Variants in MIGA1 observed in about 807,000 individuals in gnomAD.
The protein encoded by MIGA1 is family with sequence similarity 73, member A.
In MIGA1, 58 loss-of-function variants were observed where a neutral mutation model predicts 82.0. The ratio of observed to expected loss-of-function variants is 0.71; its 90% confidence interval spans 0.57 to 0.88. The LOEUF is 0.88. Ranked by LOEUF, MIGA1 falls within the 40% of genes least tolerant of loss-of-function variation. MIGA1 has a pLI of 0.00. For synonymous variants in MIGA1, 249 were observed against 253.6 expected (o/e 0.98, Z 0.17); for missense variants, 751 against 749.1 (o/e 1.00, Z -0.03).
intron 5 of MIGA1, chr1:77,811,421 A>G: frequency 2.5e-6 from 4 of 1,579,234 alleles, no homozygotes; most frequent in Non-Finnish European, 2.6e-6. Flanking sequence ...CCAGGTGCCA[A>G]AATTCTTCTT....
At chr1:77,864,385 A>C (rs1364328847) in intron 13 of MIGA1, among the ~76,000 whole-genome samples, 8 of 150,940 alleles carry the variant, frequency 5.3e-5, no homozygotes, top group Non-Finnish European at 2.9e-5. Context: ...AACAAACAAA[A>C]AAGTGGTTGG....
chr1:77,797,199 G>A (rs180887171), intron 2 of MIGA1, among the ~76,000 whole-genome samples: 2 of 152,216 alleles, frequency 1.3e-5, no homozygotes, highest in Admixed American at 1.3e-4. Context: ...CCTGTTGAAG[G>A]GCATCCAGGT....
At chr1:77,841,796 C>CT (rs201967274) in intron 7 of MIGA1, among the ~76,000 whole-genome samples, 1 of 150,056 alleles carries the variant, frequency 6.7e-6, no homozygotes, top group African/African-American at 2.5e-5. Flanking sequence ...TCTTCCTTTT[C>CT]TTTTTTCTTT....
Position 77,812,990 on chromosome 1 carries a change from C to CT in MIGA1, c.638-736dup, listed in dbSNP as rs541253080. On this transcript the variant is annotated intron_variant, in intron 5 of 15. Coordinates refer to ENST00000370791, the MANE Select transcript of MIGA1 (RefSeq NM_198549.4). ...ATTATCTTTTCTTCAGCTTTACTTT[C>CT]TTTTTTTTGAGACAGAGTCTTGCTC... is the stretch of plus-strand genomic sequence containing the variant. Among the ~76,000 whole-genome samples the CT allele has an allele frequency of 1.4e-3, 217 of 151,914 alleles. 1 individual carries two copies. The highest frequency in any genetic ancestry group is 2.2e-3 in the Non-Finnish European group (147 of 67,932).
intron 8 of MIGA1, among the ~76,000 whole-genome samples, chr1:77,844,139 G>T (rs1857643): frequency 0.25 from 22,675 of 89,210 alleles, 2,509 homozygotes; most frequent in Middle Eastern, 0.31. Context: ...TATATATATA[G>T]ATAGATAGAT....
chr1:77,786,498 C>T (rs1682166313), intron 2 of MIGA1, among the ~76,000 whole-genome samples: 1 of 152,196 alleles, frequency 6.6e-6, no homozygotes, highest in African/African-American at 2.4e-5. Flanking sequence ...CCTTATAAAA[C>T]TGAATGCCTT....
At chr1:77,845,626 C>T (rs545660653) in intron 8 of MIGA1, among the ~76,000 whole-genome samples, 5 of 152,066 alleles carry the variant, frequency 3.3e-5, no homozygotes, top group Non-Finnish European at 7.4e-5. Flanking sequence ...TGTGAATGTT[C>T]CAAGATAAAT....
chr1:77,861,315 C>A lies in MIGA1; in HGVS notation c.1367C>A (p.Ala456Asp). 1 of 1,601,876 alleles carries A rather than the reference C, an allele frequency of 6.2e-7. No individual in the cohort carries two copies. Among genetic ancestry groups the A allele is most frequent in the Non-Finnish European group, 8.5e-7 (1 of 1,171,740 alleles). Residue 456 changes from alanine (A) to aspartate (D), a missense_variant, in exon 12 of 16, where the codon GCT becomes GAT. Ala to Asp is a moderately radical substitution (Grantham distance 126). This residue lies in a region of MIGA1 where 265 missense variants were observed against 293.6 expected (regional missense o/e 0.90). Transcript: ENST00000370791. ...GGTAGTACTGAAATGGAACTTGCTG[C>A]TAGAGGGGTAAATTCAAATTTTTTG...
At position 77,858,931 on chromosome 1, in the gene MIGA1, C is replaced by T. The variant is rs749477429; in HGVS notation, c.997-7C>T. The T allele has an allele frequency of 1.3e-6, 2 of 1,551,176 alleles. No homozygotes were observed. The highest frequency in any genetic ancestry group is 1.7e-4 in the Middle Eastern group (1 of 5,932). On this transcript the variant is annotated splice_region_variant and splice_polypyrimidine_tract_variant and intron_variant, in intron 8 of 15. Transcript: ENST00000370791. ...CTGTATTCTGTTCTAACCCACCGTG[C>T]TCTTAGCTTGCAGAACACAGAGAAG...
chr1:77,787,539 C>A (rs1682220454), intron 2 of MIGA1, among the ~76,000 whole-genome samples: 1 of 151,866 alleles, frequency 6.6e-6, no homozygotes. Flanking sequence ...CAGGCGCCTG[C>A]CACCATACCT....
At chr1:77,784,309 C>T (rs558629803) in intron 2 of MIGA1, among the ~76,000 whole-genome samples, 1 of 152,070 alleles carries the variant, frequency 6.6e-6, no homozygotes, top group Non-Finnish European at 1.5e-5. Context: ...ACTGCAGCCT[C>T]AAACTCCTGG....
chr1:77,843,252 A>G (rs1684691997), intron 7 of MIGA1, 55 bp from the exon 8 acceptor site: 2 of 1,272,164 alleles, frequency 1.6e-6, no homozygotes, highest in Non-Finnish European at 2.3e-6. Context: ...GGAATGTGAA[A>G]TACCACAATG....
chr1:77,873,742 A>G (rs1378519639), intron 15 of MIGA1, among the ~76,000 whole-genome samples: 3 of 152,260 alleles, frequency 2.0e-5, no homozygotes, highest in Non-Finnish European at 4.4e-5. Context: ...AAAAGTAAAC[A>G]TAATTGAGTA....
intron 7 of MIGA1, among the ~76,000 whole-genome samples, chr1:77,818,829 C>T (rs1226395819): frequency 6.6e-6 from 1 of 152,032 alleles, no homozygotes; most frequent in Admixed American, 6.5e-5. Flanking sequence ...CCTGTAATTC[C>T]AGCACTTTGG....
At chr1:77,857,726 G>GTTTTTTTTTTT (rs766194564) in intron 8 of MIGA1, among the ~76,000 whole-genome samples, 2 of 110,972 alleles carry the variant, frequency 1.8e-5, no homozygotes, top group Non-Finnish European at 3.6e-5. Flanking sequence ...CTGGGTTGTT[G>GTTTTTTTTTTT]TTTTTTTTTT....
chr1:77,791,061 A>C (rs141384376), intron 2 of MIGA1, among the ~76,000 whole-genome samples: 3 of 152,204 alleles, frequency 2.0e-5, no homozygotes, highest in Non-Finnish European at 4.4e-5. Flanking sequence ...TAGGCAATAT[A>C]GTGAGACCTT....
intron 2 of MIGA1, among the ~76,000 whole-genome samples, chr1:77,787,151 A>C (rs112442762): frequency 0.047 from 7,202 of 152,214 alleles, 222 homozygotes; most frequent in African/African-American, 0.094. Flanking sequence ...CGCTGTCATG[A>C]GAACAGCAAG....
Position 77,804,096 on chromosome 1 carries a change from TA to T in MIGA1, c.510+694del, listed in dbSNP as rs1402762801. 7.2e-5 allele frequency among the ~76,000 whole-genome samples: 11 copies of T among 152,282 alleles called. No homozygotes were observed. The South Asian group carries it at 8.3e-4, about 11-fold the overall frequency. The stretch of plus-strand genomic sequence containing the variant: ...TTAAAATTAAAAAGAGTTATTAATT[TA>T]AAAGAATTAGCTGTTCTTCAAGAAG... On this transcript the variant is annotated intron_variant, in intron 4 of 15. Coordinates refer to ENST00000370791, the MANE Select transcript of MIGA1 (RefSeq NM_198549.4).
intron 7 of MIGA1, among the ~76,000 whole-genome samples, chr1:77,823,777 G>C (rs1183752052): frequency 6.6e-6 from 1 of 152,080 alleles, no homozygotes; most frequent in Non-Finnish European, 1.5e-5. Context: ...TGTTGTCTAG[G>C]CTGGACAAAA....
Sources: allele counts gnomAD v4.1 joint callset (sites outside exome capture counted in the v4.1 genomes callset), GRCh38; gene constraint gnomAD v4.1.1; regional missense constraint gnomAD v4.1.1; transcripts MANE v1.5; gene names NCBI Gene and HGNC (gene_info 2026-07-23, HGNC 2026-07-21).